HECW2: variants seen among roughly 807,000 people sequenced by gnomAD.
HECW2 encodes the protein E3 ubiquitin-protein ligase HECW2.
A neutral mutation model predicts 175.2 loss-of-function variants in HECW2; 61 were observed. The ratio of observed to expected loss-of-function variants is 0.35; its 90% CI spans 0.28 to 0.43. The LOEUF (loss-of-function observed/expected upper bound fraction) is 0.43, where lower values mean the gene tolerates loss of function less well. HECW2 is among the 20% of genes least tolerant of loss of function. HECW2 has a pLI of 1.00. For missense variants in HECW2, 1,524 were observed against 2,000.5 expected (o/e 0.76, Z 4.54); for synonymous variants, 671 against 731.0 (o/e 0.92, Z 1.32).
chr2:196,389,410 A>T (rs1354131819), intron 2 of HECW2, among the ~76,000 whole-genome samples: 1 of 152,190 alleles, frequency 6.6e-6, no homozygotes, highest in African/African-American at 2.4e-5. Context: ...TACGACTAGG[A>T]TGTGGTGGAT....
At chr2:196,406,022 T>G (rs1694958061) in intron 2 of HECW2, among the ~76,000 whole-genome samples, 1 of 152,170 alleles carries the variant, frequency 6.6e-6, no homozygotes, top group Non-Finnish European at 1.5e-5. Flanking sequence ...TTTTCCTCAC[T>G]GACTATTCTT....
chr2:196,292,147 C>T (rs1222163444), intron 14 of HECW2: 1 of 158,950 alleles, frequency 6.3e-6, no homozygotes, highest in Non-Finnish European at 1.4e-5. Context: ...CAAAGACACA[C>T]CTCATGTAGT....
At chr2:196,318,519 G>C (rs1357865602) in intron 9 of HECW2, 33 bp downstream of exon 9, 2 of 1,446,950 alleles carry the variant, frequency 1.4e-6, no homozygotes. Context: ...AGCTACGCTC[G>C]AGCCAAGAGC....
chr2:196,587,984 A>G (rs1691048461), intron 1 of HECW2, among the ~76,000 whole-genome samples: 1 of 151,836 alleles, frequency 6.6e-6, no homozygotes, highest in Admixed American at 6.6e-5. Context: ...CCATCCTGCA[A>G]CTCTATCCCT....
rs527549508 is a variant in HECW2, at chr2:196,265,127, C to T, written c.3335+6066G>A. ...GTAAATGTAAAATATTTTAGAGTAA[C>T]GCTCCCTGTAGGAAACAATGTGACA... On this transcript the variant is annotated intron_variant, in intron 17 of 28. Transcript: ENST00000644978. 1.1e-4 allele frequency among the ~76,000 whole-genome samples: 17 copies of T among 152,196 alleles called. No individual in the cohort carries two copies. The East Asian group carries it at 1.3e-3, about 12-fold the overall frequency.
chr2:196,480,217 G>A (rs897437677), intron 1 of HECW2, among the ~76,000 whole-genome samples: 2 of 152,080 alleles, frequency 1.3e-5, no homozygotes, highest in East Asian at 1.9e-4. Flanking sequence ...GGTCCCTCTC[G>A]TGTAGCTTTG....
Position 196,225,762 on chromosome 2 carries a change from A to T in HECW2, c.4016+10T>A, listed in dbSNP as rs1436640119. The T allele has an allele frequency of 6.5e-7, 1 of 1,539,412 alleles. No homozygotes were observed. The highest frequency in any genetic ancestry group is 2.2e-5 in the East Asian group (1 of 44,526). On this transcript the variant is annotated intron_variant, in intron 23 of 28. Transcript: ENST00000644978. ...CATGCTAATTATGCAGGCAATAAAA[A>T]TATTCTTACATTCTGAGAAGAGCCT...
At chr2:196,212,304 A>G (rs1361935623) in intron 28 of HECW2, among the ~76,000 whole-genome samples, 1 of 152,008 alleles carries the variant, frequency 6.6e-6, no homozygotes, top group Non-Finnish European at 1.5e-5. Flanking sequence ...CTCAGGTATT[A>G]AGCCTAGTAC....
chr2:196,201,449 GGTGT>G (rs369701554), intron 28 of HECW2, 61 bp from the exon 29 acceptor site: 69 of 999,172 alleles, frequency 6.9e-5, no homozygotes, highest in Non-Finnish European at 8.6e-5. Flanking sequence ...AAATGTGTGT[GGTGT>G]GTGTGTGTGT....
chr2:196,375,449 A>G (rs1012404406), intron 2 of HECW2, among the ~76,000 whole-genome samples: 2 of 152,230 alleles, frequency 1.3e-5, no homozygotes, highest in Non-Finnish European at 1.5e-5. Flanking sequence ...CAGTTTCTCT[A>G]TAAACTTTAA....
chr2:196,467,457 C>G (rs1235875659), intron 1 of HECW2, among the ~76,000 whole-genome samples: 1 of 152,080 alleles, frequency 6.6e-6, no homozygotes, highest in African/African-American at 2.4e-5. Flanking sequence ...CCATTTAATC[C>G]TCCTTGTAAT....
At chr2:196,537,105 A>G (rs1008345846) in intron 1 of HECW2, among the ~76,000 whole-genome samples, 1 of 152,162 alleles carries the variant, frequency 6.6e-6, no homozygotes, top group East Asian at 1.9e-4. Context: ...TTCTCCCTCC[A>G]TATCTCAGGC....
intron 2 of HECW2, among the ~76,000 whole-genome samples, chr2:196,410,819 GGTCA>G (rs1695088710): frequency 1.3e-5 from 2 of 152,070 alleles, no homozygotes; most frequent in East Asian, 3.9e-4. Flanking sequence ...ATTCAGACAT[GGTCA>G]GTCTGTAAAG....
chr2:196,414,660 T>C (rs1285458630), intron 2 of HECW2, among the ~76,000 whole-genome samples: 1 of 152,198 alleles, frequency 6.6e-6, no homozygotes, highest in Non-Finnish European at 1.5e-5. Context: ...TGCCAGGGTC[T>C]TCCATCTGGC....
intron 26 of HECW2, chr2:196,218,026 A>G (rs1356770909): frequency 6.6e-6 from 1 of 152,226 alleles, no homozygotes; most frequent in Non-Finnish European, 1.5e-5. Context: ...TGGAGAAAAA[A>G]AGGATCAAAG....
At chr2:196,488,054 T>C (rs1687066399) in intron 1 of HECW2, among the ~76,000 whole-genome samples, 1 of 152,222 alleles carries the variant, frequency 6.6e-6, no homozygotes, top group Admixed American at 6.5e-5. Context: ...TGCTTCCTTT[T>C]TAAAATGAGA....
intron 2 of HECW2, among the ~76,000 whole-genome samples, chr2:196,418,944 T>C (rs1252354154): frequency 6.6e-6 from 1 of 152,208 alleles, no homozygotes; most frequent in African/African-American, 2.4e-5. Flanking sequence ...AAATCATTAG[T>C]TGAAAGCTAC....
intron 2 of HECW2, among the ~76,000 whole-genome samples, chr2:196,428,148 G>A (rs769844386): frequency 3.3e-5 from 5 of 152,102 alleles, no homozygotes; most frequent in South Asian, 2.1e-4. Flanking sequence ...GCCACACCTC[G>A]TCAGCTTGAT....
At chr2:196,422,436 A>T (rs1445978874) in intron 2 of HECW2, among the ~76,000 whole-genome samples, 1 of 152,094 alleles carries the variant, frequency 6.6e-6, no homozygotes, top group Non-Finnish European at 1.5e-5. Context: ...TCTTCCCCTG[A>T]CACTTGCCCA....
Sources: gnomAD v4.1 joint callset for allele counts (sites outside exome capture counted in the v4.1 genomes callset) on GRCh38, gnomAD v4.1.1 for gene constraint, MANE v1.5 for transcripts, NCBI Gene and HGNC (gene_info 2026-07-23, HGNC 2026-07-21) for gene names.